The following CCDC175 variants were observed in gnomAD, a reference collection of about 807,000 sequenced individuals.
CCDC175 encodes the protein coiled-coil domain-containing protein 175.
In CCDC175, 100 loss-of-function variants were observed where a neutral mutation model predicts 114.6. The observed-to-expected ratio is 0.87, with a 90% CI of 0.74 to 1.03. The LOEUF (loss-of-function observed/expected upper bound fraction) is 1.03. CCDC175 is among the 50% of genes least tolerant of loss of function. The probability of loss-of-function intolerance (pLI) is 0.00; values close to 1 mark genes in which losing one functional copy is unlikely to be tolerated. For synonymous variants in CCDC175, 306 were observed against 308.7 expected (o/e 0.99, Z 0.09); for missense variants, 880 against 917.8 (o/e 0.96, Z 0.53).
At position 59,531,836 on chromosome 14, in the gene CCDC175, C is replaced by A; in HGVS notation, c.1698G>T (p.Gln566His). 6.8e-7 allele frequency: 1 copy of A among 1,472,606 alleles called. No homozygotes were observed. Among genetic ancestry groups the A allele is most frequent in the Non-Finnish European group, 9.2e-7 (1 of 1,091,210 alleles). The allele number at this position is 1,472,606 out of a possible 1,614,324, so 91.2% of individuals were successfully genotyped here. The change falls in exon 14 of 20, where the codon CAG (glutamine) becomes CAT (histidine). Residue 566 changes from glutamine (Q) to histidine (H), a missense_variant. Coordinates refer to ENST00000537690, the MANE Select transcript of CCDC175 (RefSeq NM_001164399.2). Reference protein sequence around the residue: ...EELVEYLPQLQVAEQEYKEKR... With the variant: ...EELVEYLPQLHVAEQEYKEKR... ...TCTCTTTATACTCTTGTTCTGCCACCTGAAGTTGTGGAAGATACTCAACTA... is the reference window on the plus strand; with the variant it reads ...TCTCTTTATACTCTTGTTCTGCCACATGAAGTTGTGGAAGATACTCAACTA...
chr14:59,526,355 C>T (rs753818772), intron 15 of CCDC175, among the ~76,000 whole-genome samples: 9 of 151,944 alleles, frequency 5.9e-5, no homozygotes, highest in Admixed American at 2.0e-4. Context: ...CCTATAATCC[C>T]GGCACTTTGG....
rs1358348054 is a variant in CCDC175, at chr14:59,563,826, TCTTTA to T, written c.749_753del (p.Val250GlufsTer13). On this transcript the variant is annotated frameshift_variant, in exon 6 of 20. Transcript: ENST00000537690. LOFTEE classifies it high-confidence loss of function. ...TTCTTCTTTTGATAAGTCTCCATTC[TCTTTA>T]CTTCACGGGTATTTTCAAATTCATT... is the stretch of plus-strand genomic sequence containing the variant. 2 of 1,442,244 alleles carry T rather than the reference TCTTTA, an allele frequency of 1.4e-6. No homozygotes were observed. The highest frequency in any genetic ancestry group is 1.5e-5 in the South Asian group (1 of 68,340). The allele number at this position is 1,442,244 out of a possible 1,614,324, so 89.3% of individuals were successfully genotyped here.
Position 59,521,629 on chromosome 14 carries a change from T to C in CCDC175, c.2043A>G (p.Gln681=). 2 of 1,535,510 alleles carry C rather than the reference T, an allele frequency of 1.3e-6. No individual in the cohort carries two copies. Among genetic ancestry groups the C allele is most frequent in the Non-Finnish European group, 1.7e-6 (2 of 1,145,210 alleles). Residue 681 remains glutamine, a synonymous_variant, in exon 17 of 20, where the codon CAA becomes CAG. Coordinates refer to ENST00000537690, the MANE Select transcript of CCDC175 (RefSeq NM_001164399.2). Reference sequence around the variant, plus strand: ...CGCTTGAGGTGTGCATGAGGGCTTCTTGTCCTTCTCTGTATTTCTCTATGT... The same window carrying C: ...CGCTTGAGGTGTGCATGAGGGCTTCCTGTCCTTCTCTGTATTTCTCTATGT... ...KNNIEKYREG[Q]EALMHTSSDL...
intron 7 of CCDC175, among the ~76,000 whole-genome samples, chr14:59,552,131 G>T (rs1245454701): frequency 6.6e-6 from 1 of 152,184 alleles, no homozygotes; most frequent in Non-Finnish European, 1.5e-5. Context: ...TGGTTCTCCC[G>T]GCACGGAGTT....
intron 18 of CCDC175, 27 bp downstream of exon 18, chr14:59,511,733 G>C (rs1892765290): frequency 6.6e-7 from 1 of 1,524,130 alleles, no homozygotes; most frequent in South Asian, 1.2e-5. Flanking sequence ...TATTTATATG[G>C]AGGCAACAGA....
intron 16 of CCDC175, among the ~76,000 whole-genome samples, chr14:59,522,812 T>C (rs1167698134): frequency 6.6e-6 from 1 of 152,238 alleles, no homozygotes; most frequent in African/African-American, 2.4e-5. Context: ...ATGTGTCTTG[T>C]TCAGATTGTT....
intron 13 of CCDC175, among the ~76,000 whole-genome samples, chr14:59,533,530 C>T (rs931224639): frequency 9.2e-5 from 14 of 152,170 alleles, no homozygotes; most frequent in Non-Finnish European, 1.9e-4. Context: ...AACTAATACA[C>T]CGATATGCTG....
chr14:59,567,069 C>G (rs1267836095), intron 4 of CCDC175, among the ~76,000 whole-genome samples: 1 of 152,190 alleles, frequency 6.6e-6, no homozygotes, highest in Non-Finnish European at 1.5e-5. Context: ...GATTCTGATG[C>G]AAGCTCAAGT....
At chr14:59,542,928 A>G (rs1418906576) in intron 10 of CCDC175, among the ~76,000 whole-genome samples, 1 of 152,188 alleles carries the variant, frequency 6.6e-6, no homozygotes, top group Admixed American at 6.5e-5. Flanking sequence ...CTGTGGAGAG[A>G]TGGAGATTTT....
Position 59,525,391 on chromosome 14 carries a change from C to G in CCDC175, c.1886G>C (p.Ser629Thr). 4.0e-6 allele frequency: 6 copies of G among 1,516,640 alleles called. No individual in the cohort carries two copies. Among genetic ancestry groups the G allele is most frequent in the Non-Finnish European group, 5.3e-6 (6 of 1,140,458 alleles). 93.9% of individuals were successfully genotyped at this position (1,516,640 alleles called of 1,614,324 possible). The stretch of plus-strand genomic sequence containing the variant: ...TTCAAAATGATCTTTGTTTTTTTTG[C>G]TTTCTTGATCTCGTAATTGTTGTAA... ...QELQQLRDQE[S>T]KKNKDHFETL... is the part of the protein sequence containing the mutation. The change falls in exon 16 of 20, where the codon AGC (serine) becomes ACC (threonine). Residue 629 changes from serine (S) to threonine (T), a missense_variant. By Grantham distance (58) the Ser-to-Thr change is moderately conservative (BLOSUM62 1). Transcript: ENST00000537690.
intron 14 of CCDC175, among the ~76,000 whole-genome samples, chr14:59,529,712 G>A (rs139779444): frequency 6.6e-6 from 1 of 151,988 alleles, no homozygotes; most frequent in African/African-American, 2.4e-5. Flanking sequence ...GGTACTTATG[G>A]ATTTGTATCT....
rs1594961655 is a variant in CCDC175, at chr14:59,505,516, A to AT, written c.2306-202dup. The AT allele has an allele frequency of 9.3e-5, 32 of 344,914 alleles. No homozygotes were observed. In the East Asian group the frequency reaches 1.4e-3, roughly 15 times the overall value. The allele number at this position is 344,914 out of a possible 1,614,324, so 21.4% of individuals were successfully genotyped here. A position where few individuals can be genotyped will look rare whatever the true frequency, so the allele number is the denominator to read the frequency against. ...TCCACTTGGGGCCATTTTTACAATC[A>AT]TTTTTTTCATATGTCCTGTTCTAGC... On this transcript the variant is annotated intron_variant, in intron 19 of 19. Coordinates refer to ENST00000537690, the MANE Select transcript of CCDC175 (RefSeq NM_001164399.2).
intron 17 of CCDC175, among the ~76,000 whole-genome samples, chr14:59,519,056 A>C (rs1242534451): frequency 6.6e-6 from 1 of 152,208 alleles, no homozygotes; most frequent in Non-Finnish European, 1.5e-5. Flanking sequence ...TTCTCAGCAA[A>C]CTATTGCAAG....
intron 9 of CCDC175, among the ~76,000 whole-genome samples, chr14:59,544,544 T>G (rs563475194): frequency 2.5e-4 from 38 of 152,222 alleles, no homozygotes; most frequent in African/African-American, 9.2e-4. Context: ...TCTCCAGAAT[T>G]TATCTGTTGA....
intron 7 of CCDC175, among the ~76,000 whole-genome samples, chr14:59,557,367 C>G (rs1895966936): frequency 2.7e-5 from 4 of 146,454 alleles, no homozygotes; most frequent in Non-Finnish European, 5.9e-5. Flanking sequence ...ATCGCAAGGA[C>G]AAAAAACCAA....
chr14:59,516,229 T>C lies in CCDC175; in HGVS notation c.2099-4426A>G, dbSNP rs1203305214. On this transcript the variant is annotated intron_variant, in intron 17 of 19. Coordinates refer to ENST00000537690, the MANE Select transcript of CCDC175 (RefSeq NM_001164399.2). ...AAGAGAAAGCAGGAAAGATCTAAAA[T>C]TGACACCCTAACATCACAATTAAAA... 2.0e-5 allele frequency among the ~76,000 whole-genome samples: 3 copies of C among 152,056 alleles called. No individual in the cohort carries two copies. In the East Asian group the frequency reaches 5.8e-4, roughly 29 times the overall value.
At chr14:59,531,161 C>G (rs955626870) in intron 14 of CCDC175, among the ~76,000 whole-genome samples, 2 of 151,558 alleles carry the variant, frequency 1.3e-5, no homozygotes, top group Admixed American at 6.6e-5. Flanking sequence ...AAACTTTGGA[C>G]CTTGGGCACA....
At position 59,575,041 on chromosome 14, in the gene CCDC175, T is replaced by A. The variant is rs1410917348; in HGVS notation, c.158-13A>T. On this transcript the variant is annotated splice_polypyrimidine_tract_variant and intron_variant, in intron 1 of 19. Transcript: ENST00000537690. ...TGCAGTGATTGTTCTGAAAAAAAAA[T>A]TAGAAAATAAAGATCTCTTATTTAT... The A allele has an allele frequency of 1.5e-5, 18 of 1,228,082 alleles. No homozygotes were observed. The highest frequency in any genetic ancestry group is 7.6e-5 in the East Asian group (3 of 39,392). 76.1% of individuals were successfully genotyped at this position (1,228,082 alleles called of 1,614,324 possible). A position where few individuals can be genotyped will look rare whatever the true frequency, so the allele number is the denominator to read the frequency against.
Position 59,551,213 on chromosome 14 carries a change from T to C in CCDC175, c.1035+142A>G. ...AAAGTACTTTGGGAGGAGATAAAAT[T>C]TTTTAAATTACTACAAACAACCATA... On this transcript the variant is annotated intron_variant, in intron 8 of 19. Transcript: ENST00000537690. 2 of 490,394 alleles carry C rather than the reference T, an allele frequency of 4.1e-6. 1 individual carries two copies. Among genetic ancestry groups the C allele is most frequent in the South Asian group, 7.0e-5 (2 of 28,678 alleles). The allele number at this position is 490,394 out of a possible 1,614,324, so 30.4% of individuals were successfully genotyped here.
Sources: gnomAD v4.1 joint callset for allele counts (sites outside exome capture counted in the v4.1 genomes callset) on GRCh38, gnomAD v4.1.1 for gene constraint, MANE v1.5 for transcripts, NCBI Gene and HGNC (gene_info 2026-07-23, HGNC 2026-07-21) for gene names.